GCA: variants seen among roughly 807,000 people sequenced by gnomAD.
GCA encodes the protein grancalcin, EF-hand calcium-binding protein.
Under a neutral mutation model 32.6 loss-of-function variants are expected in GCA, and 30 were observed. The ratio of observed to expected loss-of-function variants is 0.92; its 90% confidence interval spans 0.69 to 1.25. GCA has a LOEUF of 1.25. Ranked by LOEUF, GCA falls within the 50% of genes most tolerant of loss-of-function variation. The probability of loss-of-function intolerance (pLI) is 0.00; values close to 1 mark genes in which losing one functional copy is unlikely to be tolerated. For synonymous variants in GCA, 102 were observed against 84.6 expected (o/e 1.21, Z -1.13); for missense variants, 291 against 266.8 (o/e 1.09, Z -0.63).
downstream of GCA, among the ~76,000 whole-genome samples, chr2:162,364,471 A>T (rs1255829596): frequency 6.6e-6 from 1 of 151,526 alleles, no homozygotes; most frequent in Non-Finnish European, 1.5e-5. Context: ...TAGTTTCTTC[A>T]TATTTAGATT....
intron 1 of GCA, among the ~76,000 whole-genome samples, chr2:162,327,784 A>G (rs1305882512): frequency 6.6e-6 from 1 of 152,208 alleles, no homozygotes; most frequent in Non-Finnish European, 1.5e-5. Flanking sequence ...TGGGCCAAAT[A>G]CTCATTTTAC....
At chr2:162,319,339 A>G (rs1683584416) in intron 1 of GCA, 1 of 423,630 alleles carries the variant, frequency 2.4e-6, no homozygotes, top group African/African-American at 2.0e-5. Context: ...GATGGACTTG[A>G]ACCACCAACT....
intron 6 of GCA, 33 bp from the exon 7 acceptor site, chr2:162,359,461 A>G (rs1261612938): frequency 1.9e-6 from 2 of 1,053,706 alleles, no homozygotes; most frequent in Non-Finnish European, 2.9e-6. Flanking sequence ...TGTATTTTAA[A>G]TTACAATAAA....
At chr2:162,374,711 T>C (rs1025325743), downstream of GCA, among the ~76,000 whole-genome samples, 1 of 152,078 alleles carries the variant, frequency 6.6e-6, no homozygotes, top group Non-Finnish European at 1.5e-5. Context: ...AGAAAATATC[T>C]TCTTTTTTTT....
In GCA at chr2:162,344,148, T is replaced by C; in HGVS notation, c.-101T>C. On this transcript the variant is annotated 5_prime_UTR_variant, in exon 1 of 8. Coordinates refer to ENST00000437150, the MANE Select transcript of GCA (RefSeq NM_012198.5). ...TGTGCGGTTAGTGCGCCTTTCAGCC[T>C]CACCTGCAGCTGCGCCTCCTTGCAC... is the stretch of plus-strand genomic sequence containing the variant. The C allele has an allele frequency of 7.8e-7, 1 of 1,289,450 alleles. No individual in the cohort carries two copies. The highest frequency in any genetic ancestry group is 1.1e-6 in the Non-Finnish European group (1 of 892,446). The allele number at this position is 1,289,450 out of a possible 1,614,324, so 79.9% of individuals were successfully genotyped here. A position where few individuals can be genotyped will look rare whatever the true frequency, so the allele number is the denominator to read the frequency against.
At chr2:162,341,237 G>T (rs1252786400), upstream of GCA, among the ~76,000 whole-genome samples, 1 of 139,090 alleles carries the variant, frequency 7.2e-6, no homozygotes, top group African/African-American at 2.7e-5. Flanking sequence ...ATTAATGTTG[G>T]TTTCCATTAG....
intron 4 of GCA, among the ~76,000 whole-genome samples, chr2:162,369,144 G>A (rs556949399): frequency 1.3e-5 from 2 of 152,106 alleles, no homozygotes; most frequent in Admixed American, 6.6e-5. Flanking sequence ...CCTGGCTCTC[G>A]GCATGATCCC....
chr2:162,333,410 A>C (rs1684163901), intron 1 of GCA, among the ~76,000 whole-genome samples: 1 of 152,116 alleles, frequency 6.6e-6, no homozygotes, highest in Non-Finnish European at 1.5e-5. Context: ...ATTCCCAATA[A>C]ATAGGCTGTG....
intron 1 of GCA, among the ~76,000 whole-genome samples, chr2:162,334,616 TG>T (rs1409014596): frequency 6.6e-6 from 1 of 152,230 alleles, no homozygotes; most frequent in African/African-American, 2.4e-5. Context: ...TATGGCATCC[TG>T]AGCTAACCTC....
intron 1 of GCA, among the ~76,000 whole-genome samples, chr2:162,336,447 G>T (rs1684273596): frequency 6.6e-6 from 1 of 151,604 alleles, no homozygotes; most frequent in Non-Finnish European, 1.5e-5. Context: ...TTATTTTTTT[G>T]ATATCAGTAA....
intron 1 of GCA, among the ~76,000 whole-genome samples, chr2:162,332,090 A>G (rs1363741259): frequency 6.6e-6 from 1 of 151,954 alleles, no homozygotes; most frequent in South Asian, 2.1e-4. Flanking sequence ...CAGGCAGATC[A>G]TGAGGTCAGG....
rs770038513 is a variant in GCA, at chr2:162,360,222, G to A, written c.633G>A (p.Leu211=). The A allele has an allele frequency of 1.8e-5, 28 of 1,546,700 alleles. No individual in the cohort carries two copies. Among genetic ancestry groups the A allele is most frequent in the Non-Finnish European group, 2.4e-5 (27 of 1,127,400 alleles). The stretch of plus-strand genomic sequence containing the variant: ...TAATTTCACTTATGTATTAGTTTTT[G>A]CAGGGCACTATGGCAATTTGAATGC... The part of the protein sequence containing the change: ...GSANFIYDDF[L]QGTMAI Residue 211 remains leucine (L), a synonymous_variant, in exon 8 of 8, where the codon TTG becomes TTA. Coordinates refer to ENST00000437150, the MANE Select transcript of GCA (RefSeq NM_012198.5).
At chr2:162,368,216 T>A (rs2105372127) in intron 4 of GCA, among the ~76,000 whole-genome samples, 1 of 152,142 alleles carries the variant, frequency 6.6e-6, no homozygotes, top group East Asian at 1.9e-4. Flanking sequence ...TATCATCCTG[T>A]CTTCAAGTGC....
At chr2:162,319,661 G>T (rs1356881106) in intron 1 of GCA, among the ~76,000 whole-genome samples, 3 of 152,172 alleles carry the variant, frequency 2.0e-5, no homozygotes, top group African/African-American at 4.8e-5. Context: ...ACATAAATGT[G>T]AGTCCTTAAG....
At chr2:162,322,597 C>T (rs1222591969) in intron 1 of GCA, among the ~76,000 whole-genome samples, 1 of 134,832 alleles carries the variant, frequency 7.4e-6, no homozygotes, top group East Asian at 2.4e-4. Context: ...GTGATGTTCT[C>T]CTTCCTGTGT....
chr2:162,374,201 C>A (rs1431412075), downstream of GCA, among the ~76,000 whole-genome samples: 1 of 152,026 alleles, frequency 6.6e-6, no homozygotes, highest in East Asian at 1.9e-4. Context: ...ATGTTTAATG[C>A]TGTTAAATGT....
Position 162,346,528 on chromosome 2 carries a change from A to C in GCA, c.28-1050A>C, listed in dbSNP as rs369387873. 4.6e-5 allele frequency: 7 copies of C among 152,226 alleles called. No homozygotes were observed. The East Asian group carries it at 7.7e-4, about 17-fold the overall frequency. The allele number at this position is 152,226 out of a possible 1,614,324, so 9.4% of individuals were successfully genotyped here. A position where few individuals can be genotyped will look rare whatever the true frequency, so the allele number is the denominator to read the frequency against. Reference sequence around the variant, plus strand: ...AATACAGTAGAAAAGACACCATGGCAGTTCCAGACTCAATATTTTAAGAGG... The same window carrying C: ...AATACAGTAGAAAAGACACCATGGCCGTTCCAGACTCAATATTTTAAGAGG... On this transcript the variant is annotated intron_variant, in intron 1 of 7. Coordinates refer to ENST00000437150, the MANE Select transcript of GCA (RefSeq NM_012198.5).
Position 162,356,980 on chromosome 2 carries a change from A to G in GCA, c.454+75A>G, listed in dbSNP as rs78485782. On this transcript the variant is annotated intron_variant, in intron 5 of 7. Coordinates refer to ENST00000437150, the MANE Select transcript of GCA (RefSeq NM_012198.5). ...TGATTAGATGAACTTAATTGCTTCA[A>G]TTTACTAACTAATAAAGGGATGTAT... 2,493 of 1,022,538 alleles carry G rather than the reference A, an allele frequency of 2.4e-3. 8 individuals are homozygous for G. Among genetic ancestry groups the G allele is most frequent in the Middle Eastern group, 3.3e-3 (15 of 4,612 alleles). The allele number at this position is 1,022,538 out of a possible 1,614,324, so 63.3% of individuals were successfully genotyped here. A position where few individuals can be genotyped will look rare whatever the true frequency, so the allele number is the denominator to read the frequency against.
In GCA at chr2:162,362,343, T is replaced by C; in HGVS notation, c.*2100T>C. 1.0e-6 allele frequency: 1 copy of C among 982,824 alleles called. No homozygotes were observed. Among genetic ancestry groups the C allele is most frequent in the South Asian group, 4.7e-5 (1 of 21,252 alleles). 60.9% of individuals were successfully genotyped at this position (982,824 alleles called of 1,614,324 possible). On this transcript the variant is annotated 3_prime_UTR_variant, in exon 8 of 8. Transcript: ENST00000437150. ...TGCACTTTACATTAAACAGACAAAC[T>C]TATGTTAACAAAAACATTAGGCCTA...
Sources: allele counts gnomAD v4.1 joint callset (sites outside exome capture counted in the v4.1 genomes callset), GRCh38; gene constraint gnomAD v4.1.1; transcripts MANE v1.5; gene names NCBI Gene and HGNC (gene_info 2026-07-23, HGNC 2026-07-21).